The following ZNF678 variants were observed in gnomAD, a reference collection of about 807,000 sequenced individuals.
The protein encoded by ZNF678 is hypothetical protein MGC42493.
In ZNF678, 5 loss-of-function variants were observed where a neutral mutation model predicts 3.0. That is an observed-to-expected ratio of 1.69 (90% CI 0.88 to 3.56). The LOEUF (loss-of-function observed/expected upper bound fraction) is 3.56, where lower values mean the gene tolerates loss of function less well. Ranked by LOEUF, ZNF678 falls within the 30% of genes most tolerant of loss-of-function variation. The probability of loss-of-function intolerance (pLI) is 0.00; values close to 1 mark genes in which losing one functional copy is unlikely to be tolerated. For synonymous variants in ZNF678, 218 were observed against 199.6 expected (o/e 1.09, Z -0.78); for missense variants, 593 against 605.0 (o/e 0.98, Z 0.21).
chr1:227,664,379 G>A (rs1468495075), downstream of ZNF678, among the ~76,000 whole-genome samples: 3 of 152,050 alleles, frequency 2.0e-5, no homozygotes, highest in Admixed American at 2.0e-4. Flanking sequence ...TTGATAATCT[G>A]CTTGTGTCCA....
At chr1:227,589,808 C>T (rs1029062015) in intron 1 of ZNF678, among the ~76,000 whole-genome samples, 11 of 151,764 alleles carry the variant, frequency 7.2e-5, no homozygotes, top group African/African-American at 1.7e-4. Context: ...AGCACGGGGC[C>T]GGGCTTTCTG....
intron 1 of ZNF678, among the ~76,000 whole-genome samples, chr1:227,573,823 C>G (rs1656918296): frequency 1.3e-5 from 2 of 152,284 alleles, no homozygotes; most frequent in Non-Finnish European, 2.9e-5. Context: ...CTCCCTCCTC[C>G]CACTTCTACC....
intron 1 of ZNF678, among the ~76,000 whole-genome samples, chr1:227,604,893 T>C (rs1657825246): frequency 6.6e-6 from 1 of 152,174 alleles, no homozygotes; most frequent in Non-Finnish European, 1.5e-5. Flanking sequence ...TTTCGTTTTG[T>C]CGCCCAGGCT....
At chr1:227,616,873 G>T (rs945527184) in intron 1 of ZNF678, among the ~76,000 whole-genome samples, 1 of 152,208 alleles carries the variant, frequency 6.6e-6, no homozygotes, top group Admixed American at 6.5e-5. Context: ...AGATAAAGTG[G>T]TTTTGCTGAA....
intron 1 of ZNF678, among the ~76,000 whole-genome samples, chr1:227,590,348 C>T (rs775152612): frequency 1.7e-4 from 26 of 151,636 alleles, no homozygotes; most frequent in Admixed American, 1.1e-3. Flanking sequence ...AGCAAGTAGT[C>T]GAGAGTCAGT....
chr1:227,596,130 G>A (rs919021940), intron 1 of ZNF678, among the ~76,000 whole-genome samples: 5 of 152,168 alleles, frequency 3.3e-5, no homozygotes, highest in African/African-American at 7.2e-5. Context: ...ATGCCTACCC[G>A]GGAGCACTCT....
At position 227,638,732 on chromosome 1, in the gene ZNF678, A is replaced by T. The variant is rs1013958191; in HGVS notation, c.-163-7812A>T. On this transcript the variant is annotated intron_variant, in intron 1 of 3. Coordinates refer to ENST00000343776, the MANE Select transcript of ZNF678 (RefSeq NM_001367909.1). This position sits in a 1 kb window ranked among gnomAD's most constrained non-coding sequence, Gnocchi z 4.2. ...TTTTGAAAGGATGTCTCTGCTTAGG[A>T]GCAGAGTTGGGCATGAGGGCAGAAC... is the stretch of plus-strand genomic sequence containing the variant. 6.6e-6 allele frequency among the ~76,000 whole-genome samples: 1 copy of T among 152,064 alleles called. No homozygotes were observed. Among genetic ancestry groups the T allele is most frequent in the African/African-American group, 2.4e-5 (1 of 41,388 alleles).
At position 227,655,197 on chromosome 1, in the gene ZNF678, C is replaced by G; in HGVS notation, c.947C>G (p.Thr316Ser). 3 of 1,611,968 alleles carry G rather than the reference C, an allele frequency of 1.9e-6. No individual in the cohort carries two copies. The highest frequency in any genetic ancestry group is 2.5e-6 in the Non-Finnish European group (3 of 1,179,202). The change falls in exon 4 of 4, where the codon ACT becomes AGT. Residue 316 changes from threonine (T) to serine (S), a missense_variant. By Grantham distance (58) the Thr-to-Ser change is moderately conservative (BLOSUM62 1). Coordinates refer to ENST00000343776, the MANE Select transcript of ZNF678 (RefSeq NM_001367909.1). ...ASLTRHKRIH[T>S]GEKPYQCEEC... Reference sequence around the variant, plus strand: ...CTTACTCGTCATAAAAGAATTCATACTGGAGAAAAACCCTACCAATGTGAA... The same window carrying G: ...CTTACTCGTCATAAAAGAATTCATAGTGGAGAAAAACCCTACCAATGTGAA...
chr1:227,646,791 A>C (rs982702743), intron 2 of ZNF678, 121 bp downstream of exon 2: 9 of 911,462 alleles, frequency 9.9e-6, no homozygotes, highest in Non-Finnish European at 1.4e-5. Flanking sequence ...CTCTGCTTCT[A>C]AGGAAAACTT....
chr1:227,613,474 C>G (rs1438477788), intron 1 of ZNF678, among the ~76,000 whole-genome samples: 1 of 152,198 alleles, frequency 6.6e-6, no homozygotes, highest in East Asian at 1.9e-4. Flanking sequence ...GTGCCACCAG[C>G]CACTGTGCAT....
chr1:227,596,315 A>G (rs1320278383), intron 1 of ZNF678, among the ~76,000 whole-genome samples: 1 of 152,216 alleles, frequency 6.6e-6, no homozygotes, highest in Non-Finnish European at 1.5e-5. Flanking sequence ...CACTGAGTTA[A>G]AGAAGGAAGA....
At position 227,661,706 on chromosome 1, in the gene ZNF678, G is replaced by A. The variant is rs1223033797; in HGVS notation, c.*5878G>A. On this transcript the variant is annotated 3_prime_UTR_variant, in exon 4 of 4. Transcript: ENST00000343776. ...TCCAAGTCACAGCCAATAGGTGGCA[G>A]TCATCAGTGTGTCTTGGAAGGGACA... 1.3e-5 allele frequency: 2 copies of A among 152,196 alleles called. No individual in the cohort carries two copies. The highest frequency in any genetic ancestry group is 2.9e-5 in the Non-Finnish European group (2 of 68,050). 9.4% of individuals were successfully genotyped at this position (152,196 alleles called of 1,614,324 possible).
In ZNF678 at chr1:227,655,818, G is replaced by T. The variant is rs1373272787; in HGVS notation, c.1568G>T (p.Gly523Val). 1 of 1,563,364 alleles carries T rather than the reference G, an allele frequency of 6.4e-7. No homozygotes were observed. Among genetic ancestry groups the T allele is most frequent in the African/African-American group, 1.4e-5 (1 of 72,574 alleles). ...GEEPDKCKKC[G>V]SL ...GAACCTGACAAATGTAAAAAATGTG[G>T]CAGTCTTTAAAAACTGCTTCATTAT... Residue 523 changes from glycine (G) to valine (V), a missense_variant, in exon 4 of 4, where the codon GGC becomes GTC. Transcript: ENST00000343776.
chr1:227,590,415 G>A (rs1466117630), intron 1 of ZNF678, among the ~76,000 whole-genome samples: 2 of 151,744 alleles, frequency 1.3e-5, no homozygotes, highest in Non-Finnish European at 2.9e-5. Context: ...GAACAGTCAA[G>A]GTTTTACCAG....
intron 1 of ZNF678, among the ~76,000 whole-genome samples, chr1:227,591,521 C>G (rs1006467260): frequency 2.6e-5 from 4 of 152,172 alleles, no homozygotes; most frequent in Non-Finnish European, 5.9e-5. Context: ...TTATTAATGA[C>G]AGCACAGGCA....
intron 1 of ZNF678, among the ~76,000 whole-genome samples, chr1:227,571,351 A>G (rs1462151070): frequency 6.6e-6 from 1 of 152,130 alleles, no homozygotes; most frequent in Non-Finnish European, 1.5e-5. Context: ...TCCAAACAAG[A>G]TTTTATGGGT....
At chr1:227,566,354 A>G (rs1407234664) in intron 1 of ZNF678, among the ~76,000 whole-genome samples, 1 of 152,240 alleles carries the variant, frequency 6.6e-6, no homozygotes, top group Non-Finnish European at 1.5e-5. Context: ...GGGAAAAGAC[A>G]GAAATAATTC....
chr1:227,620,407 G>A (rs759146450), intron 1 of ZNF678, among the ~76,000 whole-genome samples: 1 of 151,986 alleles, frequency 6.6e-6, no homozygotes, highest in Non-Finnish European at 1.5e-5. Flanking sequence ...TTTTGCACAC[G>A]TTCTTTCTCA....
At chr1:227,598,665 G>A (rs775413804) in intron 1 of ZNF678, 20 of 534,744 alleles carry the variant, frequency 3.7e-5, no homozygotes, top group Non-Finnish European at 6.5e-5. Context: ...TTCTTTCTCC[G>A]TTGCATCTTT....
Sources: gnomAD v4.1 joint callset for allele counts (sites outside exome capture counted in the v4.1 genomes callset) on GRCh38, gnomAD v4.1.1 for gene constraint, Gnocchi (gnomAD v3.1) non-coding constraint, MANE v1.5 for transcripts, NCBI Gene and HGNC (gene_info 2026-07-23, HGNC 2026-07-21) for gene names.